The following UTP14C variants were observed in gnomAD, a reference collection of about 807,000 sequenced individuals.
UTP14C encodes the protein U3 small nucleolar RNA-associated protein 14 homolog C.
A neutral mutation model predicts 14.6 loss-of-function variants in UTP14C; 10 were observed. That is an observed-to-expected ratio of 0.68 (90% CI 0.42 to 1.16). The LOEUF is 1.16. UTP14C is among the 50% of genes most tolerant of loss of function. UTP14C has a pLI of 0.00. For synonymous variants in UTP14C, 315 were observed against 331.6 expected (o/e 0.95, Z 0.54); for missense variants, 818 against 890.8 (o/e 0.92, Z 1.04).
Position 52,032,678 on chromosome 13 carries a change from G to C in UTP14C, c.*1573G>C, listed in dbSNP as rs1954317231. ...TCAAAAAGCAGCAAACAGAGGGTCA[G>C]TCACAGGATGTTCTGACACACCATT... On this transcript the variant is annotated 3_prime_UTR_variant, in exon 2 of 2. Transcript: ENST00000521776. The C allele has an allele frequency of 6.0e-6, 1 of 167,078 alleles. No individual in the cohort carries two copies. Among genetic ancestry groups the C allele is most frequent in the Non-Finnish European group, 1.5e-5 (1 of 68,118 alleles). 10.3% of individuals were successfully genotyped at this position (167,078 alleles called of 1,614,324 possible). A position where few individuals can be genotyped will look rare whatever the true frequency, so the allele number is the denominator to read the frequency against.
At position 52,030,478 on chromosome 13, in the gene UTP14C, C is replaced by A. The variant is rs1188565493; in HGVS notation, c.1674C>A (p.Asn558Lys). The A allele has an allele frequency of 1.2e-6, 2 of 1,614,216 alleles. No individual in the cohort carries two copies. The highest frequency in any genetic ancestry group is 2.2e-5 in the South Asian group (2 of 91,086). ...AGAAAGAGAAGGAGCAACTGATCAA[C>A]CTACAGAACTTCCTGACCACACAGT... ...KEKKEKEQLI[N>K]LQNFLTTQSP... Residue 558 changes from asparagine to lysine, a missense_variant, in exon 2 of 2, where the codon AAC (asparagine) becomes AAA (lysine). Transcript: ENST00000521776.
Position 52,029,626 on chromosome 13 carries a change from T to TCCAA in UTP14C, c.824_827dup (p.Val277AsnfsTer11). ...AGTTTGAGCAGCTACAGAAGGTTAA[T>TCCAA]CCAACTGTGGCACTGGAAGAAATGG... On this transcript the variant is annotated frameshift_variant, in exon 2 of 2. Coordinates refer to ENST00000521776, the MANE Select transcript of UTP14C (RefSeq NM_021645.6). LOFTEE classifies it low-confidence loss of function (END_TRUNC). The TCCAA allele has an allele frequency of 1.2e-6, 2 of 1,614,158 alleles. No individual in the cohort carries two copies. Among genetic ancestry groups the TCCAA allele is most frequent in the Non-Finnish European group, 1.7e-6 (2 of 1,180,028 alleles).
In UTP14C at chr13:52,031,846, T is replaced by C. The variant is rs1954309328; in HGVS notation, c.*741T>C. On this transcript the variant is annotated 3_prime_UTR_variant, in exon 2 of 2. Transcript: ENST00000521776. ...TTCTGAGTCTCAGATTCTTCATCTG[T>C]AATCTGGAGTTGTTAATTCCAGTCC... 1 of 167,096 alleles carries C rather than the reference T, an allele frequency of 6.0e-6. No homozygotes were observed. Among genetic ancestry groups the C allele is most frequent in the Admixed American group, 6.5e-5 (1 of 15,272 alleles). The allele number at this position is 167,096 out of a possible 1,614,324, so 10.4% of individuals were successfully genotyped here.
At position 52,026,005 on chromosome 13, in the gene UTP14C, G is replaced by A. The variant is rs773674860; in HGVS notation, c.-487+1068G>A. On this transcript the variant is annotated intron_variant, in intron 1 of 1. Coordinates refer to ENST00000521776, the MANE Select transcript of UTP14C (RefSeq NM_021645.6). ...GCGCTTGGGTGGATGCTAGGGATGT[G>A]GTGGAGACAGGAGCTGCTTGGCCTG... Among the ~76,000 whole-genome samples the A allele has an allele frequency of 3.3e-4, 50 of 152,246 alleles. 1 individual carries two copies. Among genetic ancestry groups the A allele is most frequent in the Admixed American group, 3.3e-4 (5 of 15,290 alleles).
Position 52,031,476 on chromosome 13 carries a change from A to G in UTP14C, c.*371A>G. On this transcript the variant is annotated 3_prime_UTR_variant, in exon 2 of 2. Coordinates refer to ENST00000521776, the MANE Select transcript of UTP14C (RefSeq NM_021645.6). Reference sequence around the variant, plus strand: ...GGTGTGTGTAGGGTGGTAGAGGCCAAGGTGCTGCCAGCAATCCTTTCCATA... The same window carrying G: ...GGTGTGTGTAGGGTGGTAGAGGCCAGGGTGCTGCCAGCAATCCTTTCCATA... 5.0e-6 allele frequency: 1 copy of G among 201,534 alleles called. No homozygotes were observed. The highest frequency in any genetic ancestry group is 1.3e-4 in the East Asian group (1 of 7,594). 12.5% of individuals were successfully genotyped at this position (201,534 alleles called of 1,614,324 possible).
In UTP14C at chr13:52,031,212, G is replaced by A. The variant is rs1954300654; in HGVS notation, c.*107G>A. ...CCAAAACTGGCTCAGCACATTGCAT[G>A]TAGTTGAGCCACATTTTTTAAAAAA... On this transcript the variant is annotated 3_prime_UTR_variant, in exon 2 of 2. Coordinates refer to ENST00000521776, the MANE Select transcript of UTP14C (RefSeq NM_021645.6). The A allele has an allele frequency of 6.8e-7, 1 of 1,471,818 alleles. No individual in the cohort carries two copies. The highest frequency in any genetic ancestry group is 2.4e-5 in the Admixed American group (1 of 41,944). 91.2% of individuals were successfully genotyped at this position (1,471,818 alleles called of 1,614,324 possible). A position where few individuals can be genotyped will look rare whatever the true frequency, so the allele number is the denominator to read the frequency against.
rs762196882 is a variant in UTP14C, at chr13:52,030,845, G to T, written c.2041G>T (p.Val681Leu). The T allele has an allele frequency of 6.2e-7, 1 of 1,614,168 alleles. No homozygotes were observed. The highest frequency in any genetic ancestry group is 8.5e-7 in the Non-Finnish European group (1 of 1,180,046). The part of the protein sequence containing the change: ...KRNIHAAAHQ[V>L]QVLPYPFTHH... ...CAACATCCACGCAGCAGCTCATCAG[G>T]TACAAGTGCTTCCATATCCATTTAC... Residue 681 changes from valine (V) to leucine (L), a missense_variant, in exon 2 of 2, where the codon GTA becomes TTA. Transcript: ENST00000521776.
rs1006206994 is a variant in UTP14C, at chr13:52,031,023, CT to C, written c.2221del (p.Ser741ProfsTer39). 6.2e-7 allele frequency: 1 copy of C among 1,614,094 alleles called. No individual in the cohort carries two copies. Among genetic ancestry groups the C allele is most frequent in the African/African-American group, 1.3e-5 (1 of 74,932 alleles). On this transcript the variant is annotated frameshift_variant, in exon 2 of 2. Transcript: ENST00000521776. LOFTEE classifies it high-confidence loss of function. ...PIKAEDVGYQ[S>X]SSRSDLPVIQ... Reference sequence around the variant, plus strand: ...AAAGCAGAGGATGTGGGCTACCAGTCTTCCTCAAGGTCAGACCTGCCTGTCA... The same window carrying C: ...AAAGCAGAGGATGTGGGCTACCAGTCTCCTCAAGGTCAGACCTGCCTGTCA...
In UTP14C at chr13:52,030,344, G is replaced by A; in HGVS notation, c.1540G>A (p.Glu514Lys). ...AGTACAAACTCTGGAAGAGCTAGAA[G>A]AGCTGGGAAAAGAAGATTGTTTTCA... Reference protein sequence around the residue: ...ERVQTLEELEELGKEDCFQNK... With the variant: ...ERVQTLEELEKLGKEDCFQNK... Residue 514 changes from glutamate (E) to lysine (K), a missense_variant, in exon 2 of 2, where the codon GAG becomes AAG. Physicochemically the swap from Glu to Lys is moderately conservative, Grantham distance 56. Transcript: ENST00000521776. The A allele has an allele frequency of 6.2e-7, 1 of 1,614,226 alleles. No homozygotes were observed. The highest frequency in any genetic ancestry group is 8.5e-7 in the Non-Finnish European group (1 of 1,180,050).
At chr13:52,027,195 AC>A (rs1954249647) in intron 1 of UTP14C, among the ~76,000 whole-genome samples, 1 of 152,138 alleles carries the variant, frequency 6.6e-6, no homozygotes, top group Non-Finnish European at 1.5e-5. Context: ...TCAGAAGTGA[AC>A]AAGTAGAGTT....
intron 1 of UTP14C, among the ~76,000 whole-genome samples, chr13:52,027,962 A>C (rs1208846776): frequency 1.3e-5 from 2 of 152,164 alleles, no homozygotes; most frequent in African/African-American, 4.8e-5. Flanking sequence ...ATTTTAACTA[A>C]GAATAAAGCA....
rs144058020 is a variant in UTP14C, at chr13:52,026,958, G to A, written c.-486-1361G>A. Among the ~76,000 whole-genome samples, 179 of 152,276 alleles carry A rather than the reference G, an allele frequency of 1.2e-3. 1 individual carries two copies. Among genetic ancestry groups the A allele is most frequent in the African/African-American group, 4.2e-3 (174 of 41,558 alleles). On this transcript the variant is annotated intron_variant, in intron 1 of 1. Transcript: ENST00000521776. ...GTACAAAATGCAGAGAACAGGAACAGCTGAGAAATGGGGAGAAGAAATGGA... is the reference window on the plus strand; with the variant it reads ...GTACAAAATGCAGAGAACAGGAACAACTGAGAAATGGGGAGAAGAAATGGA...
chr13:52,029,799 T>G lies in UTP14C; in HGVS notation c.995T>G (p.Leu332Arg). ...MQEQLAKNKELTQKLQVASES... is the reference protein window; with the variant it reads ...MQEQLAKNKERTQKLQVASES... ...GAACAGTTGGCCAAGAACAAAGAAC[T>G]GACACAGAAACTCCAGGTAGCCTCT... The change falls in exon 2 of 2, where the codon CTG becomes CGG. Residue 332 changes from leucine to arginine, a missense_variant. Physicochemically the swap from Leu to Arg is moderately radical, Grantham distance 102. Coordinates refer to ENST00000521776, the MANE Select transcript of UTP14C (RefSeq NM_021645.6). 2 of 1,614,032 alleles carry G rather than the reference T, an allele frequency of 1.2e-6. No homozygotes were observed. Among genetic ancestry groups the G allele is most frequent in the East Asian group, 2.2e-5 (1 of 44,866 alleles).
intron 1 of UTP14C, among the ~76,000 whole-genome samples, chr13:52,028,050 G>A (rs1024237269): frequency 3.3e-5 from 5 of 151,844 alleles, no homozygotes; most frequent in Non-Finnish European, 5.9e-5. Context: ...CTTGATGCTA[G>A]GAGTTAGAGG....
At position 52,028,869 on chromosome 13, in the gene UTP14C, C is replaced by CA. The variant is rs769669893; in HGVS notation, c.71dup (p.Asn24LysfsTer6). 3.1e-6 allele frequency: 5 copies of CA among 1,614,002 alleles called. No homozygotes were observed. The highest frequency in any genetic ancestry group is 2.2e-5 in the East Asian group (1 of 44,886). On this transcript the variant is annotated frameshift_variant, in exon 2 of 2. Transcript: ENST00000521776. LOFTEE classifies it low-confidence loss of function (END_TRUNC). ...CACCAGGAAGAACTAGTGGATTTGC[C>CA]AAAAAACTACCCCTTGAGTGAAAAT...
rs1182437727 is a variant in UTP14C, at chr13:52,030,584, A to T, written c.1780A>T (p.Ile594Leu). 2.5e-6 allele frequency: 4 copies of T among 1,614,238 alleles called. No homozygotes were observed. Among genetic ancestry groups the T allele is most frequent in the Non-Finnish European group, 3.4e-6 (4 of 1,180,044 alleles). The change falls in exon 2 of 2, where the codon ATA becomes TTA. Residue 594 changes from isoleucine to leucine, a missense_variant. Transcript: ENST00000521776. ...AGAGGAGAGAGACCAAAGGCAGATG[A>T]TAAAGGAAGCTTTTGCTGGGGATGA... is the stretch of plus-strand genomic sequence containing the variant. ...DEEERDQRQM[I>L]KEAFAGDDVI...
rs1954301412 is a variant in UTP14C at position 52,031,256 on chromosome 13, A to G, written c.*151A>G. The G allele has an allele frequency of 8.7e-7, 1 of 1,148,788 alleles. No homozygotes were observed. The highest frequency in any genetic ancestry group is 1.2e-6 in the Non-Finnish European group (1 of 828,462). The allele number at this position is 1,148,788 out of a possible 1,614,324, so 71.2% of individuals were successfully genotyped here. A position where few individuals can be genotyped will look rare whatever the true frequency, so the allele number is the denominator to read the frequency against. On this transcript the variant is annotated 3_prime_UTR_variant, in exon 2 of 2. Transcript: ENST00000521776. ...TAAAAAAAGAAAATGGATGACCATT[A>G]ATTGACTAGCATTTTAGAATTGATC...
Position 52,028,626 on chromosome 13 carries a change from A to G in UTP14C, c.-179A>G. On this transcript the variant is annotated 5_prime_UTR_variant, in exon 2 of 2. Coordinates refer to ENST00000521776, the MANE Select transcript of UTP14C (RefSeq NM_021645.6). The stretch of plus-strand genomic sequence containing the variant: ...GTAAAATTAAAGATATTTTATATAA[A>G]CTGGTTAAACACCTTCATATGTAAA... The G allele has an allele frequency of 6.3e-7, 1 of 1,588,608 alleles. No individual in the cohort carries two copies. The highest frequency in any genetic ancestry group is 8.6e-7 in the Non-Finnish European group (1 of 1,159,474).
Position 52,024,798 on chromosome 13 carries a change from A to G in UTP14C, c.-626A>G. The G allele has an allele frequency of 6.2e-7, 1 of 1,614,204 alleles. No individual in the cohort carries two copies. The highest frequency in any genetic ancestry group is 8.5e-7 in the Non-Finnish European group (1 of 1,180,014). On this transcript the variant is annotated 5_prime_UTR_variant, in exon 1 of 2. Transcript: ENST00000521776. Reference sequence around the variant, plus strand: ...AAGATGATGAACTTAGGGTAAACCAACTGAGAAGGCTGTCTGAGGATTTAG... The same window carrying G: ...AAGATGATGAACTTAGGGTAAACCAGCTGAGAAGGCTGTCTGAGGATTTAG...
Sources: gnomAD v4.1 joint callset for allele counts (sites outside exome capture counted in the v4.1 genomes callset) on GRCh38, gnomAD v4.1.1 for gene constraint, MANE v1.5 for transcripts, NCBI Gene and HGNC (gene_info 2026-07-23, HGNC 2026-07-21) for gene names.